The following CGNL1 variants were observed in gnomAD, a reference collection of about 807,000 sequenced individuals.
The protein encoded by CGNL1 is cingulin-like protein 1.
CGNL1 carries 132 observed loss-of-function variants against 141.2 expected under a neutral mutation model. The ratio of observed to expected loss-of-function variants is 0.93; its 90% CI spans 0.81 to 1.08. The LOEUF (loss-of-function observed/expected upper bound fraction) is 1.08, where lower values mean the gene tolerates loss of function less well. CGNL1 is among the 50% of genes least tolerant of loss of function. The pLI is 0.00. For synonymous variants in CGNL1, 690 were observed against 622.1 expected (o/e 1.11, Z -1.63); for missense variants, 1,870 against 1,588.6 (o/e 1.18, Z -3.01).
intron 18 of CGNL1, 37 bp downstream of exon 18, chr15:57,546,276 C>G (rs1313024042): frequency 1.3e-6 from 2 of 1,535,326 alleles, no homozygotes; most frequent in Non-Finnish European, 8.8e-7. Context: ...GCCGGGTAAT[C>G]TCCCCACAGT....
At chr15:57,518,597 A>G (rs1486226254) in intron 10 of CGNL1, 100 bp downstream of exon 10, 4 of 779,666 alleles carry the variant, frequency 5.1e-6, no homozygotes, top group East Asian at 2.7e-5. Flanking sequence ...CTCTCTTTCC[A>G]TGTAGCTCCC....
intron 8 of CGNL1, among the ~76,000 whole-genome samples, chr15:57,465,637 A>G (rs2063502748): frequency 1.3e-5 from 2 of 148,442 alleles, no homozygotes; most frequent in African/African-American, 4.9e-5. Flanking sequence ...GGGATCCGTC[A>G]GCTTCAACCT....
At chr15:57,470,658 C>T (rs1249509411) in intron 8 of CGNL1, among the ~76,000 whole-genome samples, 2 of 152,130 alleles carry the variant, frequency 1.3e-5, no homozygotes, top group African/African-American at 4.8e-5. Context: ...CATCAAATGC[C>T]TGAGTGTGTT....
chr15:57,405,865 T>C (rs1246484150), intron 1 of CGNL1: 9 of 145,760 alleles, frequency 6.2e-5, no homozygotes, highest in African/African-American at 2.0e-4. Flanking sequence ...TCTTTTTCTT[T>C]CTGTCTGTCC....
rs1445149816 is a variant in CGNL1 at position 57,547,653 on chromosome 15, A to G, written c.*163A>G. 3 of 773,904 alleles carry G rather than the reference A, an allele frequency of 3.9e-6. No homozygotes were observed. The African/African-American group carries it at 5.3e-5, about 14-fold the overall frequency. The allele number at this position is 773,904 out of a possible 1,614,324, so 47.9% of individuals were successfully genotyped here. On this transcript the variant is annotated 3_prime_UTR_variant, in exon 19 of 19. Transcript: ENST00000281282. ...GTTACATTCCTCGCCAGGGTCTCTC[A>G]GTGGGTCTTCGACAGAGAGCTTTTG...
At chr15:57,404,834 C>T (rs1010466509) in intron 1 of CGNL1, among the ~76,000 whole-genome samples, 14 of 152,144 alleles carry the variant, frequency 9.2e-5, no homozygotes, top group Non-Finnish European at 1.2e-4. Context: ...GAATCAAGTT[C>T]ATGTGGAATT....
At chr15:57,507,369 T>G (rs2064116975) in intron 8 of CGNL1, among the ~76,000 whole-genome samples, 1 of 152,224 alleles carries the variant, frequency 6.6e-6, no homozygotes, top group African/African-American at 2.4e-5. Flanking sequence ...AACTTTTGTC[T>G]TGGACCTATA....
chr15:57,389,219 G>C (rs1266292630), intron 1 of CGNL1, among the ~76,000 whole-genome samples: 2 of 152,074 alleles, frequency 1.3e-5, no homozygotes, highest in African/African-American at 4.8e-5. Flanking sequence ...ATGAAGATTA[G>C]TGGAACCAAG....
intron 8 of CGNL1, among the ~76,000 whole-genome samples, chr15:57,495,178 C>T (rs540938272): frequency 2.6e-5 from 4 of 152,172 alleles, no homozygotes; most frequent in Non-Finnish European, 5.9e-5. Flanking sequence ...CCTGTGAAAT[C>T]TCTGAAATAG....
intron 6 of CGNL1, among the ~76,000 whole-genome samples, chr15:57,453,089 A>G (rs1305532030): frequency 5.3e-5 from 8 of 152,212 alleles, no homozygotes; most frequent in African/African-American, 1.9e-4. Flanking sequence ...AGTTTGGTTC[A>G]GGACAGAGTT....
intron 1 of CGNL1, among the ~76,000 whole-genome samples, chr15:57,392,217 GTT>G (rs2062551719): frequency 6.6e-6 from 1 of 152,054 alleles, no homozygotes. Flanking sequence ...AGTGATAGGT[GTT>G]TTCTTAGTAG....
At chr15:57,522,472 G>A (rs1166102579) in intron 10 of CGNL1, among the ~76,000 whole-genome samples, 1 of 152,212 alleles carries the variant, frequency 6.6e-6, no homozygotes, top group Non-Finnish European at 1.5e-5. Flanking sequence ...TCACTGCAGG[G>A]ACACAAGACT....
chr15:57,539,969 G>A (rs138602783), intron 14 of CGNL1, among the ~76,000 whole-genome samples: 2 of 152,148 alleles, frequency 1.3e-5, no homozygotes, highest in African/African-American at 2.4e-5. Flanking sequence ...ATTCAAATCC[G>A]CAGGACTTGC....
At chr15:57,445,500 G>A (rs1382543747) in intron 4 of CGNL1, among the ~76,000 whole-genome samples, 8 of 152,182 alleles carry the variant, frequency 5.3e-5, no homozygotes, top group Non-Finnish European at 1.2e-4. Flanking sequence ...CCTTAGGGAC[G>A]GAGACCATAC....
chr15:57,431,733 A>ATT (rs11400337), intron 1 of CGNL1, among the ~76,000 whole-genome samples: 9 of 151,082 alleles, frequency 6.0e-5, no homozygotes, highest in East Asian at 3.9e-4. Context: ...TTTTTTTGTA[A>ATT]TTTTTTTTTT....
chr15:57,459,904 T>C (rs934582131), intron 7 of CGNL1, among the ~76,000 whole-genome samples: 4 of 152,202 alleles, frequency 2.6e-5, no homozygotes, highest in Non-Finnish European at 5.9e-5. Context: ...GACATCCAGA[T>C]GGGTTCATCT....
intron 1 of CGNL1, among the ~76,000 whole-genome samples, chr15:57,400,653 C>T (rs908969801): frequency 3.3e-5 from 5 of 152,036 alleles, no homozygotes; most frequent in East Asian, 1.9e-4. Flanking sequence ...GAGGCCAAGG[C>T]GGGCGGATCA....
intron 8 of CGNL1, among the ~76,000 whole-genome samples, chr15:57,482,218 TAAAAC>T (rs549131683): frequency 1.2e-4 from 18 of 152,262 alleles, no homozygotes; most frequent in East Asian, 9.6e-4. Context: ...CAATCTCTAG[TAAAAC>T]AAAACAAAAC....
At chr15:57,490,973 C>T (rs554191703) in intron 8 of CGNL1, among the ~76,000 whole-genome samples, 13 of 152,250 alleles carry the variant, frequency 8.5e-5, no homozygotes, top group African/African-American at 3.1e-4. Context: ...CAAACTGTTA[C>T]AGTCATCAAA....
Sources: gnomAD v4.1 joint callset for allele counts (sites outside exome capture counted in the v4.1 genomes callset) on GRCh38, gnomAD v4.1.1 for gene constraint, MANE v1.5 for transcripts, NCBI Gene and HGNC (gene_info 2026-07-23, HGNC 2026-07-21) for gene names.